Variants in TRPC5OS observed in about 807,000 individuals in gnomAD.
TRPC5OS encodes the protein putative uncharacterized protein TRPC5OS.
For synonymous variants in TRPC5OS, 30 were observed against 29.3 expected (o/e 1.02, Z -0.08); for missense variants, 64 against 79.3 (o/e 0.81, Z 0.73).
chrX:111,877,348 C>T (rs926215316), intron 1 of TRPC5OS, among the ~76,000 whole-genome samples: 4 of 111,708 alleles, frequency 3.6e-5, no homozygotes, highest in African/African-American at 1.3e-4. Flanking sequence ...GAATTAGGAG[C>T]TCATGAGGAA....
intron 1 of TRPC5OS, among the ~76,000 whole-genome samples, chrX:111,888,693 C>CAAAAAAAAAAAAAAAAAAAAAA (rs753735549): frequency 9.1e-5 from 1 of 10,985 alleles, no homozygotes; most frequent in African/African-American, 2.2e-4. Context: ...GACTCTATCT[C>CAAAAAAAAAAAAAAAAAAAAAA]AAAAAAAAAA....
chrX:111,883,313 G>T (rs973492939), intron 1 of TRPC5OS, among the ~76,000 whole-genome samples: 1 of 111,916 alleles, frequency 8.9e-6, no homozygotes, highest in Non-Finnish European at 1.9e-5. Flanking sequence ...AGCCCAACTG[G>T]GACCTATTCA....
At chrX:111,898,874 C>T (rs1046858875) in intron 3 of TRPC5OS, among the ~76,000 whole-genome samples, 2 of 109,659 alleles carry the variant, frequency 1.8e-5, no homozygotes, top group African/African-American at 3.3e-5. Flanking sequence ...CCCACTCCTC[C>T]CCCACCAAGG....
intron 1 of TRPC5OS, among the ~76,000 whole-genome samples, chrX:111,890,859 T>C (rs957628844): frequency 5.4e-5 from 6 of 111,576 alleles, no homozygotes; most frequent in African/African-American, 2.0e-4. Context: ...TCCTGATCCT[T>C]TCCCTCCTCC....
intron 1 of TRPC5OS, among the ~76,000 whole-genome samples, chrX:111,891,181 G>A (rs4357476): frequency 0.066 from 7,408 of 111,676 alleles, 269 homozygotes; most frequent in African/African-American, 0.14. Flanking sequence ...AACATAATGT[G>A]TGCATGTATC....
chrX:111,883,159 T>G (rs750261819), intron 1 of TRPC5OS, among the ~76,000 whole-genome samples: 66 of 112,060 alleles, frequency 5.9e-4, no homozygotes, highest in Non-Finnish European at 1.1e-3. Flanking sequence ...TTAAATCTAG[T>G]TAGCTTGGTT....
At chrX:111,883,272 G>A (rs765478871) in intron 1 of TRPC5OS, among the ~76,000 whole-genome samples, 2 of 112,277 alleles carry the variant, frequency 1.8e-5, no homozygotes, top group African/African-American at 6.5e-5. Flanking sequence ...GCCTAATTTC[G>A]GTCTAGTCAG....
At chrX:111,881,471 T>C (rs1215002263) in intron 1 of TRPC5OS, among the ~76,000 whole-genome samples, 1 of 111,691 alleles carries the variant, frequency 9.0e-6, no homozygotes, top group Non-Finnish European at 1.9e-5. Flanking sequence ...CCACTGGGCC[T>C]GGCCCGCTAT....
In TRPC5OS at chrX:111,902,232, T is replaced by G. The variant is rs773297987; in HGVS notation, c.*47T>G. ...CCCAGGGATGTGAAAACTGATCATT[T>G]CTCTGTTTTAATATATTCTTATTTT... On this transcript the variant is annotated 3_prime_UTR_variant, in exon 4 of 4. Transcript: ENST00000635763. 2.3e-5 allele frequency: 20 copies of G among 857,444 alleles called. No individual in the cohort carries two copies. Among genetic ancestry groups the G allele is most frequent in the Non-Finnish European group, 3.1e-5 (20 of 636,359 alleles). The allele number at this position is 857,444 out of a possible 1,213,427, so 70.7% of individuals were successfully genotyped here.
At chrX:111,891,504 T>C (rs781270061) in intron 1 of TRPC5OS, among the ~76,000 whole-genome samples, 6 of 111,882 alleles carry the variant, frequency 5.4e-5, no homozygotes, top group Non-Finnish European at 1.1e-4. Context: ...AATTGTAAAA[T>C]AGGTATAATC....
intron 3 of TRPC5OS, among the ~76,000 whole-genome samples, chrX:111,898,521 C>T (rs994332601): frequency 9.2e-6 from 1 of 108,885 alleles, no homozygotes; most frequent in African/African-American, 3.3e-5. Context: ...GTTGTTCCTC[C>T]CTCCCTCCTT....
chrX:111,893,861 AGT>A (rs762191207), intron 1 of TRPC5OS, among the ~76,000 whole-genome samples: 1 of 111,989 alleles, frequency 8.9e-6, no homozygotes, highest in Non-Finnish European at 1.9e-5. Flanking sequence ...AAGAGTTTAA[AGT>A]GTAAATACTC....
chrX:111,881,199 A>C (rs1031159213), intron 1 of TRPC5OS, among the ~76,000 whole-genome samples: 4 of 85,812 alleles, frequency 4.7e-5, no homozygotes, highest in African/African-American at 3.4e-4. Context: ...TATTTTTGAG[A>C]CAGAATCTCA....
intron 1 of TRPC5OS, among the ~76,000 whole-genome samples, chrX:111,889,607 A>G (rs1255314632): frequency 1.8e-5 from 2 of 111,965 alleles, no homozygotes; most frequent in Non-Finnish European, 3.8e-5. Flanking sequence ...CTCTTTACCC[A>G]TGTTTAAAAT....
At chrX:111,897,460 C>T (rs1436570495) in intron 3 of TRPC5OS, among the ~76,000 whole-genome samples, 1 of 111,134 alleles carries the variant, frequency 9.0e-6, no homozygotes, top group Non-Finnish European at 1.9e-5. Flanking sequence ...CACACGCATT[C>T]TCCTGTGTAA....
chrX:111,886,756 T>A (rs772154240), intron 1 of TRPC5OS, among the ~76,000 whole-genome samples: 184 of 112,240 alleles, frequency 1.6e-3, no homozygotes, highest in African/African-American at 5.6e-3. Context: ...TACCGAGGAC[T>A]TGGCTTGCCT....
At chrX:111,891,697 C>T (rs958792608) in intron 1 of TRPC5OS, among the ~76,000 whole-genome samples, 2 of 110,668 alleles carry the variant, frequency 1.8e-5, no homozygotes, top group South Asian at 3.9e-4. Flanking sequence ...CCCACCACAA[C>T]GCCCAGCTAA....
chrX:111,896,875 A>C (rs1009513735), intron 3 of TRPC5OS, among the ~76,000 whole-genome samples: 2 of 111,823 alleles, frequency 1.8e-5, no homozygotes, highest in African/African-American at 6.5e-5. Context: ...TTTTCCACCT[A>C]TAACTTCATA....
chrX:111,896,926 G>A (rs1242318964), intron 3 of TRPC5OS, among the ~76,000 whole-genome samples: 1 of 112,050 alleles, frequency 8.9e-6, no homozygotes, highest in Non-Finnish European at 1.9e-5. Flanking sequence ...TACAGGTTGA[G>A]TATCTCTAAT....
Sources: allele counts gnomAD v4.1 joint callset (sites outside exome capture counted in the v4.1 genomes callset), GRCh38; gene constraint gnomAD v4.1.1; transcripts MANE v1.5; gene names NCBI Gene and HGNC (gene_info 2026-07-23, HGNC 2026-07-21).